The following DSTN variants were observed in gnomAD, a reference collection of about 807,000 sequenced individuals.
DSTN encodes destrin, actin depolymerizing factor, also known as destrin.
In DSTN, 10 loss-of-function variants were observed where a neutral mutation model predicts 16.8. The ratio of observed to expected loss-of-function variants is 0.60; its 90% CI spans 0.37 to 1.01. The LOEUF (loss-of-function observed/expected upper bound fraction) is 1.01. Among genes scored for constraint, DSTN ranks in the 50% least tolerant of loss-of-function variants. The probability of loss-of-function intolerance (pLI) is 0.01; values close to 1 mark genes in which losing one functional copy is unlikely to be tolerated. For missense variants in DSTN, 141 were observed against 196.7 expected (o/e 0.72, Z 1.69); for synonymous variants, 57 against 58.9 (o/e 0.97, Z 0.14).
chr20:17,598,727 T>C (rs1380026236), intron 1 of DSTN, among the ~76,000 whole-genome samples: 1 of 152,194 alleles, frequency 6.6e-6, no homozygotes, highest in African/African-American at 2.4e-5. Flanking sequence ...CATTGTTTAG[T>C]ATTTAAATTC....
chr20:17,584,509 G>A (rs1215873983), intron 1 of DSTN, among the ~76,000 whole-genome samples: 4 of 152,056 alleles, frequency 2.6e-5, no homozygotes, highest in African/African-American at 9.6e-5. Flanking sequence ...AAAATTAGCC[G>A]GGCGTGTTGG....
intron 1 of DSTN, among the ~76,000 whole-genome samples, chr20:17,596,328 A>T (rs1419310455): frequency 6.6e-6 from 1 of 152,022 alleles, no homozygotes; most frequent in African/African-American, 2.4e-5. Flanking sequence ...CAAAATATGG[A>T]TTAGGTGAAG....
In DSTN at chr20:17,607,291, C is replaced by T; in HGVS notation, c.*145C>T. Reference sequence around the variant, plus strand: ...GAGTAAACTATTCTATAAACATATGCAAACAGCCCTAAATAAATCTAAAGT... The same window carrying T: ...GAGTAAACTATTCTATAAACATATGTAAACAGCCCTAAATAAATCTAAAGT... On this transcript the variant is annotated 3_prime_UTR_variant, in exon 4 of 4. Transcript: ENST00000246069. 1 of 583,908 alleles carries T rather than the reference C, an allele frequency of 1.7e-6. No homozygotes were observed. The highest frequency in any genetic ancestry group is 2.8e-6 in the Non-Finnish European group (1 of 354,762). 36.2% of individuals were successfully genotyped at this position (583,908 alleles called of 1,614,324 possible).
At chr20:17,575,896 A>G (rs1327253368) in intron 1 of DSTN, among the ~76,000 whole-genome samples, 1 of 152,200 alleles carries the variant, frequency 6.6e-6, no homozygotes, top group Non-Finnish European at 1.5e-5. Flanking sequence ...TGAAAGTCAT[A>G]CACAAAGATT....
chr20:17,596,279 T>C (rs2035525779), intron 1 of DSTN, among the ~76,000 whole-genome samples: 1 of 152,206 alleles, frequency 6.6e-6, no homozygotes, highest in South Asian at 2.1e-4. Flanking sequence ...GTTTTTCTTT[T>C]GCTGCTTAAT....
chr20:17,576,575 A>G (rs2035280812), intron 1 of DSTN: 1 of 152,278 alleles, frequency 6.6e-6, no homozygotes, highest in Non-Finnish European at 1.5e-5. Context: ...AAAATTAACA[A>G]AGTAATCTCT....
intron 1 of DSTN, among the ~76,000 whole-genome samples, chr20:17,581,455 C>T (rs1248124931): frequency 6.6e-6 from 1 of 152,122 alleles, no homozygotes; most frequent in Non-Finnish European, 1.5e-5. Context: ...TGCCCTCCAG[C>T]CTGAGTGACA....
intron 1 of DSTN, among the ~76,000 whole-genome samples, chr20:17,592,914 G>A (rs985851105): frequency 6.6e-6 from 1 of 152,162 alleles, no homozygotes; most frequent in African/African-American, 2.4e-5. Flanking sequence ...TGCTGAATTA[G>A]CCTTTTAGCT....
At chr20:17,602,745 T>C (rs2035599908) in intron 2 of DSTN, among the ~76,000 whole-genome samples, 1 of 152,226 alleles carries the variant, frequency 6.6e-6, no homozygotes, top group South Asian at 2.1e-4. Context: ...GTACCCACTC[T>C]GCTGGGCGCA....
chr20:17,577,841 G>C (rs1395097742), intron 1 of DSTN, among the ~76,000 whole-genome samples: 1 of 152,122 alleles, frequency 6.6e-6, no homozygotes, highest in Non-Finnish European at 1.5e-5. Flanking sequence ...ATTTAGATAT[G>C]ATAAAATTTA....
chr20:17,596,937 T>A, intron 1 of DSTN: 2 of 611,766 alleles, frequency 3.3e-6, no homozygotes, highest in Non-Finnish European at 4.1e-6. Context: ...TTGATTGATG[T>A]ATTTAAAGAT....
chr20:17,574,447 A>C (rs2035243943), intron 1 of DSTN, among the ~76,000 whole-genome samples: 1 of 152,170 alleles, frequency 6.6e-6, no homozygotes, highest in South Asian at 2.1e-4. Flanking sequence ...TTCACTTTAC[A>C]CTTACCCCTC....
At position 17,609,548 on chromosome 20, in the gene DSTN, G is replaced by A. The variant is rs1400267661; in HGVS notation, c.*2402G>A. 1 of 152,194 alleles carries A rather than the reference G, an allele frequency of 6.6e-6. No homozygotes were observed. Among genetic ancestry groups the A allele is most frequent in the African/African-American group, 2.4e-5 (1 of 41,436 alleles). 9.4% of individuals were successfully genotyped at this position (152,194 alleles called of 1,614,324 possible). A position where few individuals can be genotyped will look rare whatever the true frequency, so the allele number is the denominator to read the frequency against. On this transcript the variant is annotated 3_prime_UTR_variant, in exon 4 of 4. Coordinates refer to ENST00000246069, the MANE Select transcript of DSTN (RefSeq NM_006870.4). Reference sequence around the variant, plus strand: ...GTGTGTGAGGTGTCTTCTGTGGGAAGGATTTCAAACAGTACAAAGGGATGT... The same window carrying A: ...GTGTGTGAGGTGTCTTCTGTGGGAAAGATTTCAAACAGTACAAAGGGATGT...
At chr20:17,575,919 T>G (rs1391366638) in intron 1 of DSTN, among the ~76,000 whole-genome samples, 1 of 152,236 alleles carries the variant, frequency 6.6e-6, no homozygotes, top group African/African-American at 2.4e-5. Context: ...CACCTAACAC[T>G]TCAGCAATAT....
At position 17,602,995 on chromosome 20, in the gene DSTN, G is replaced by T. The variant is rs140178242; in HGVS notation, c.312-1560G>T. On this transcript the variant is annotated intron_variant, in intron 2 of 3. Coordinates refer to ENST00000246069, the MANE Select transcript of DSTN (RefSeq NM_006870.4). The stretch of plus-strand genomic sequence containing the variant: ...AGATCACGCCACTGCACTCCAGCCT[G>T]GGTGACAGAGCGAGACTCCGCCTCA... Among the ~76,000 whole-genome samples, 599 of 152,290 alleles carry T rather than the reference G, an allele frequency of 3.9e-3. 5 individuals are homozygous for T. The highest frequency in any genetic ancestry group is 7.3e-3 in the Non-Finnish European group (495 of 68,026).
intron 2 of DSTN, among the ~76,000 whole-genome samples, chr20:17,603,951 G>C (rs761409822): frequency 6.6e-6 from 1 of 152,156 alleles, no homozygotes; most frequent in African/African-American, 2.4e-5. Flanking sequence ...TAGATGAAGG[G>C]ACTGGGGAAG....
rs559052162 is a variant in DSTN, at chr20:17,609,588, G to C, written c.*2442G>C. ...CAAAGGGATGTGATGTAAGCATCCA[G>C]AACTCACTCCAGAAATTGAATAAAA... On this transcript the variant is annotated 3_prime_UTR_variant, in exon 4 of 4. Coordinates refer to ENST00000246069, the MANE Select transcript of DSTN (RefSeq NM_006870.4). 6.6e-6 allele frequency: 1 copy of C among 152,328 alleles called. No individual in the cohort carries two copies. Among genetic ancestry groups the C allele is most frequent in the African/African-American group, 2.4e-5 (1 of 41,584 alleles). The allele number at this position is 152,328 out of a possible 1,614,324, so 9.4% of individuals were successfully genotyped here.
intron 3 of DSTN, chr20:17,605,219 T>A (rs2035628707): frequency 4.4e-6 from 2 of 455,944 alleles, no homozygotes; most frequent in East Asian, 1.4e-4. Flanking sequence ...AATGTTGGTA[T>A]GATGGAAAGA....
chr20:17,584,548 A>C (rs1485104482), intron 1 of DSTN, among the ~76,000 whole-genome samples: 1 of 151,648 alleles, frequency 6.6e-6, no homozygotes, highest in African/African-American at 2.4e-5. Context: ...GCTACTCGGG[A>C]GGCTGAGGCA....
Sources: gnomAD v4.1 joint callset for allele counts (sites outside exome capture counted in the v4.1 genomes callset) on GRCh38, gnomAD v4.1.1 for gene constraint, MANE v1.5 for transcripts, NCBI Gene and HGNC (gene_info 2026-07-23, HGNC 2026-07-21) for gene names.